Variants in ARHGEF9 observed in about 807,000 individuals in gnomAD.
ARHGEF9 encodes rho guanine nucleotide exchange factor 9.
In ARHGEF9, 2 loss-of-function variants were observed where a neutral mutation model predicts 41.3. The observed-to-expected ratio is 0.05, with a 90% CI of 0.02 to 0.15. The LOEUF is 0.15. Among genes scored for constraint, ARHGEF9 ranks in the 10% least tolerant of loss-of-function variants. The probability of loss-of-function intolerance (pLI) is 1.00; values close to 1 mark genes in which losing one functional copy is unlikely to be tolerated. For synonymous variants in ARHGEF9, 160 were observed against 154.4 expected (o/e 1.04, Z -0.27); for missense variants, 225 against 424.7 (o/e 0.53, Z 4.13).
chrX:63,649,245 G>T (rs2048364641), intron 8 of ARHGEF9, among the ~76,000 whole-genome samples: 1 of 111,423 alleles, frequency 9.0e-6, no homozygotes, highest in South Asian at 3.8e-4. Flanking sequence ...CTGTCTCTCA[G>T]ACCACAGTGA....
chrX:63,666,138 A>G, intron 6 of ARHGEF9, 121 bp from the exon 7 acceptor site: 1 of 932,505 alleles, frequency 1.1e-6, no homozygotes, highest in Non-Finnish European at 1.5e-6. Context: ...GGCCTGGTAG[A>G]GACAGAGGGA....
intron 8 of ARHGEF9, among the ~76,000 whole-genome samples, chrX:63,651,895 T>A (rs1556329247): frequency 9.1e-6 from 1 of 109,945 alleles, no homozygotes; most frequent in East Asian, 2.8e-4. Context: ...AAAATAGCCA[T>A]TAAGCATATG....
At chrX:63,740,722 T>TC (rs1263199491) in intron 1 of ARHGEF9, among the ~76,000 whole-genome samples, 2 of 111,507 alleles carry the variant, frequency 1.8e-5, no homozygotes, top group Admixed American at 9.5e-5. Context: ...CAGCTACGTG[T>TC]CCCCCTGCTT....
At chrX:63,665,454 C>T (rs1417374071) in intron 7 of ARHGEF9, among the ~76,000 whole-genome samples, 4 of 112,919 alleles carry the variant, frequency 3.5e-5, no homozygotes, top group Non-Finnish European at 5.6e-5. Flanking sequence ...GGAGGCTCCT[C>T]GTTGGTTCCC....
intron 1 of ARHGEF9, chrX:63,767,333 A>G: frequency 3.0e-6 from 2 of 677,715 alleles, no homozygotes; most frequent in Non-Finnish European, 2.3e-6. Context: ...AATGAGGCAA[A>G]CTGAATTGAG....
At chrX:63,722,459 G>T (rs12387569) in intron 2 of ARHGEF9, among the ~76,000 whole-genome samples, 3,634 of 104,532 alleles carry the variant, frequency 0.035, 179 homozygotes, top group African/African-American at 0.12. Context: ...GTATAGCCAG[G>T]GTTGAGAACC....
chrX:63,755,775 C>T (rs1232023655), intron 1 of ARHGEF9: 1 of 636,296 alleles, frequency 1.6e-6, no homozygotes, highest in Non-Finnish European at 1.9e-6. Flanking sequence ...CACAGGGACA[C>T]ACGACAGAAT....
chrX:63,648,101 A>G (rs1231216685), intron 8 of ARHGEF9, among the ~76,000 whole-genome samples: 2 of 111,123 alleles, frequency 1.8e-5, no homozygotes, highest in Admixed American at 1.9e-4. Context: ...TACAGAGAAC[A>G]CCACAAAGAT....
At chrX:63,767,358 A>T in intron 1 of ARHGEF9, 2 of 627,284 alleles carry the variant, frequency 3.2e-6, no homozygotes, top group African/African-American at 4.4e-5. Context: ...CTTCTGAAGA[A>T]GATAAAACTT....
intron 1 of ARHGEF9, among the ~76,000 whole-genome samples, chrX:63,755,596 TG>T (rs2055905911): frequency 9.2e-6 from 1 of 109,280 alleles, no homozygotes; most frequent in African/African-American, 3.3e-5. Flanking sequence ...AAAGAAGGAA[TG>T]GGGGAAAAAC....
In ARHGEF9 at chrX:63,655,593, C is replaced by G; in HGVS notation, c.1222G>C (p.Glu408Gln). 1.7e-6 allele frequency: 2 copies of G among 1,211,288 alleles called. No individual in the cohort carries two copies. The highest frequency in any genetic ancestry group is 3.0e-5 in the East Asian group (1 of 33,825). Reference protein sequence around the residue: ...AFKLHNKETEEIHLFFAKKLE... With the variant: ...AFKLHNKETEQIHLFFAKKLE... ...TTCTTGGCAAAGAACAGATGTATCTCCTCAGTCTCCTTGTTGTGAAGCTTA... is the reference window on the plus strand; with the variant it reads ...TTCTTGGCAAAGAACAGATGTATCTGCTCAGTCTCCTTGTTGTGAAGCTTA... The change falls in exon 8 of 10, where the codon GAG becomes CAG. Residue 408 changes from glutamate to glutamine, a missense_variant. Glu to Gln is a conservative substitution (Grantham distance 29, BLOSUM62 2). This residue lies in a region of ARHGEF9 where 75 missense variants were observed against 113.2 expected (regional missense o/e 0.66). Coordinates refer to ENST00000671741, the MANE Select transcript of ARHGEF9 (RefSeq NM_001353921.2).
chrX:63,697,496 T>A (rs782661070), intron 3 of ARHGEF9, among the ~76,000 whole-genome samples, 192 bp from the exon 4 acceptor site: 1 of 111,766 alleles, frequency 8.9e-6, no homozygotes, highest in African/African-American at 3.2e-5. Context: ...GAAAGCTGGG[T>A]TGCCAGCAAA....
intron 1 of ARHGEF9, among the ~76,000 whole-genome samples, chrX:63,730,617 G>A (rs2054225580): frequency 8.9e-6 from 1 of 111,948 alleles, no homozygotes; most frequent in South Asian, 3.7e-4. Flanking sequence ...TAGATCCCCA[G>A]GTGATACTGA....
chrX:63,751,853 C>T (rs1362956944), intron 1 of ARHGEF9, among the ~76,000 whole-genome samples: 1 of 109,830 alleles, frequency 9.1e-6, no homozygotes, highest in Non-Finnish European at 1.9e-5. Context: ...CACACACCCC[C>T]ATGAACATAC....
At chrX:63,656,037 G>A (rs1321306661) in intron 7 of ARHGEF9, among the ~76,000 whole-genome samples, 4 of 111,756 alleles carry the variant, frequency 3.6e-5, no homozygotes, top group Admixed American at 2.9e-4. Flanking sequence ...ACATAAACAC[G>A]GCTAGCAAGG....
At chrX:63,703,763 G>A (rs1382144126) in intron 3 of ARHGEF9, among the ~76,000 whole-genome samples, 1 of 111,517 alleles carries the variant, frequency 9.0e-6, no homozygotes, top group African/African-American at 3.3e-5. Flanking sequence ...AATAAAGCAG[G>A]AAAGGGGCAG....
At chrX:63,647,326 C>T (rs1406609652) in intron 8 of ARHGEF9, among the ~76,000 whole-genome samples, 5 of 111,807 alleles carry the variant, frequency 4.5e-5, no homozygotes, top group Admixed American at 9.5e-5. Flanking sequence ...AAAGGGAATG[C>T]TTCCAGTTTT....
At chrX:63,710,801 T>G (rs1483891393) in intron 2 of ARHGEF9, among the ~76,000 whole-genome samples, 1 of 111,333 alleles carries the variant, frequency 9.0e-6, no homozygotes, top group East Asian at 2.8e-4. Flanking sequence ...TTTCATCACT[T>G]TTATTCAACC....
At chrX:63,739,740 T>C (rs1439864081) in intron 1 of ARHGEF9, among the ~76,000 whole-genome samples, 2 of 112,218 alleles carry the variant, frequency 1.8e-5, no homozygotes, top group Admixed American at 9.4e-5. Flanking sequence ...ACCTCCAAAC[T>C]ATGTGTAATT....
Sources: allele counts gnomAD v4.1 joint callset (sites outside exome capture counted in the v4.1 genomes callset), GRCh38; gene constraint gnomAD v4.1.1; regional missense constraint gnomAD v4.1.1; transcripts MANE v1.5; gene names NCBI Gene and HGNC (gene_info 2026-07-23, HGNC 2026-07-21).